PCDHA3: variants seen among roughly 807,000 people sequenced by gnomAD.
PCDHA3 encodes the protein protocadherin alpha-3.
A neutral mutation model predicts 62.2 loss-of-function variants in PCDHA3; 41 were observed. That is an observed-to-expected ratio of 0.66 (90% confidence interval 0.51 to 0.86). The LOEUF is 0.86. Among genes scored for constraint, PCDHA3 ranks in the 40% least tolerant of loss-of-function variants. PCDHA3 has a pLI of 0.00. For synonymous variants in PCDHA3, 640 were observed against 555.4 expected, an observed-to-expected ratio of 1.15 and a Z score of -2.14; for missense variants, 1,304 against 1,241.2, an observed-to-expected ratio of 1.05 and a Z score of -0.76.
At chr5:140,856,609 A>G in intron 1 of PCDHA3, 1 of 1,598,102 alleles carries the variant, frequency 6.3e-7, no homozygotes, top group Non-Finnish European at 8.6e-7. Context: ...AAAAAGACAA[A>G]GACAAATTCC....
chr5:140,954,537 T>C (rs2095052425), intron 1 of PCDHA3, among the ~76,000 whole-genome samples: 1 of 152,268 alleles, frequency 6.6e-6, no homozygotes, highest in Non-Finnish European at 1.5e-5. Flanking sequence ...TTGAGGTTTT[T>C]TTCATATGTT....
chr5:140,827,741 T>G (rs949123681), intron 1 of PCDHA3, among the ~76,000 whole-genome samples: 4 of 152,220 alleles, frequency 2.6e-5, no homozygotes, highest in African/African-American at 9.6e-5. Context: ...TGTGAATAAT[T>G]AGATCCCTTA....
chr5:140,829,430 G>T, intron 1 of PCDHA3: 1 of 1,614,092 alleles, frequency 6.2e-7, no homozygotes, highest in Non-Finnish European at 8.5e-7. Flanking sequence ...GGAGGTGGCC[G>T]ACATGAATGA....
At position 140,850,061 on chromosome 5, in the gene PCDHA3, G is replaced by T. The variant is rs2150465496; in HGVS notation, c.2394+46470G>T. 7 of 1,596,546 alleles carry T rather than the reference G, an allele frequency of 4.4e-6. No individual in the cohort carries two copies. In the South Asian group the frequency reaches 6.6e-5, roughly 15 times the overall value. ...GCGGCAAGGTGTACGCGCTGCAGCCGTTGGACCACGAGGAGCTGGAGCTGC... is the reference window on the plus strand; with the variant it reads ...GCGGCAAGGTGTACGCGCTGCAGCCTTTGGACCACGAGGAGCTGGAGCTGC... On this transcript the variant is annotated intron_variant, in intron 1 of 3. Transcript: ENST00000522353.
At position 140,968,456 on chromosome 5, in the gene PCDHA3, A is replaced by G. The variant is rs782476018; in HGVS notation, c.2395-10493A>G. ...GAGCCCACCACTGAGCAGCACTGTG[A>G]CTGCCAACGTATATGTGGTGGACAT... On this transcript the variant is annotated intron_variant, in intron 1 of 3. Transcript: ENST00000522353. 82 of 1,613,964 alleles carry G rather than the reference A, an allele frequency of 5.1e-5. No individual in the cohort carries two copies. Among genetic ancestry groups the G allele is most frequent in the Non-Finnish European group, 6.2e-5 (73 of 1,180,022 alleles).
chr5:140,899,548 T>C (rs1452628026), intron 1 of PCDHA3, among the ~76,000 whole-genome samples: 5 of 152,214 alleles, frequency 3.3e-5, no homozygotes, highest in African/African-American at 1.2e-4. Flanking sequence ...TCATGGTGGA[T>C]AAGCTTTTTG....
chr5:140,900,226 G>A (rs1048533279), intron 1 of PCDHA3, among the ~76,000 whole-genome samples: 18 of 152,090 alleles, frequency 1.2e-4, no homozygotes, highest in Admixed American at 1.1e-3. Flanking sequence ...GCAAATGACT[G>A]GATCTTGTTT....
Position 140,823,874 on chromosome 5 carries a change from T to C in PCDHA3, c.2394+20283T>C, listed in dbSNP as rs2150129906. 6.8e-6 allele frequency: 11 copies of C among 1,613,890 alleles called. No individual in the cohort carries two copies. In the Admixed American group the frequency reaches 1.8e-4, roughly 27 times the overall value. Reference sequence around the variant, plus strand: ...CTGGTGGATGTCAACGTGTACCTGATCATCGCCATCTGTGCGGTGTCCAGC... The same window carrying C: ...CTGGTGGATGTCAACGTGTACCTGACCATCGCCATCTGTGCGGTGTCCAGC... On this transcript the variant is annotated intron_variant, in intron 1 of 3. Coordinates refer to ENST00000522353, the MANE Select transcript of PCDHA3 (RefSeq NM_018906.3).
rs374310903 is a variant in PCDHA3 at position 140,968,575 on chromosome 5, G to A, written c.2395-10374G>A. 16 of 1,614,016 alleles carry A rather than the reference G, an allele frequency of 9.9e-6. No homozygotes were observed. In the African/African-American group the frequency reaches 2.1e-4, roughly 22 times the overall value. ...CTCGAACTGCCCCTGCTGGCTACCT[G>A]GTCACCAAAGTCATAGCTATGGACT... On this transcript the variant is annotated intron_variant, in intron 1 of 3. Transcript: ENST00000522353.
chr5:140,876,349 T>G lies in PCDHA3; in HGVS notation c.2394+72758T>G, dbSNP rs781967314. On this transcript the variant is annotated intron_variant, in intron 1 of 3. Transcript: ENST00000522353. ...TTTGCCAGTGAGTGAGAAATGTATG[T>G]TTTCAATAAATCCAGACACAGGTGA... The G allele has an allele frequency of 3.2e-5, 52 of 1,613,894 alleles. No homozygotes were observed. In the South Asian group the frequency reaches 5.1e-4, roughly 16 times the overall value.
At chr5:140,829,876 C>G in intron 1 of PCDHA3, 2 of 1,613,910 alleles carry the variant, frequency 1.2e-6, no homozygotes, top group Non-Finnish European at 8.5e-7. Flanking sequence ...CGAAGGTGCG[C>G]GCAGTTGACG....
chr5:140,802,739 C>A lies in PCDHA3; in HGVS notation c.1542C>A (p.Ser514Arg). ...LSSYVSVHAESGKVYALQPLD... is the reference protein window; with the variant it reads ...LSSYVSVHAERGKVYALQPLD... ...GCTACGTGTCGGTACACGCGGAGAG[C>A]GGCAAGGTGTACGCGCTGCAGCCGC... The change falls in exon 1 of 4, where the codon AGC (serine) becomes AGA (arginine). Residue 514 changes from serine to arginine, a missense_variant. Coordinates refer to ENST00000522353, the MANE Select transcript of PCDHA3 (RefSeq NM_018906.3). The A allele has an allele frequency of 1.2e-6, 2 of 1,612,492 alleles. No homozygotes were observed. The highest frequency in any genetic ancestry group is 2.0e-4 in the Middle Eastern group (1 of 5,114).
intron 1 of PCDHA3, among the ~76,000 whole-genome samples, chr5:140,957,050 A>T (rs246010): frequency 0.56 from 85,650 of 151,948 alleles, 24,767 homozygotes; most frequent in African/African-American, 0.69. Context: ...TATAAAATAA[A>T]TTATAAATGT....
Position 140,829,683 on chromosome 5 carries a change from T to C in PCDHA3, c.2394+26092T>C, listed in dbSNP as rs1554132167. Reference sequence around the variant, plus strand: ...CTGGACCACGAGGAGCTAGAGCTGCTGCAGTTTCAGGTGAGCGCGCGCGAC... The same window carrying C: ...CTGGACCACGAGGAGCTAGAGCTGCCGCAGTTTCAGGTGAGCGCGCGCGAC... On this transcript the variant is annotated intron_variant, in intron 1 of 3. Transcript: ENST00000522353. 6 of 1,613,236 alleles carry C rather than the reference T, an allele frequency of 3.7e-6. No individual in the cohort carries two copies. The East Asian group carries it at 1.3e-4, about 36-fold the overall frequency.
chr5:140,863,469 G>A (rs2153224585), intron 1 of PCDHA3: 1 of 498,172 alleles, frequency 2.0e-6, no homozygotes, highest in Non-Finnish European at 4.0e-6. Context: ...TTACTCTGGA[G>A]AGTCGCCTCC....
At chr5:140,868,281 T>G (rs2050378347) in intron 1 of PCDHA3, 1 of 152,066 alleles carries the variant, frequency 6.6e-6, no homozygotes, top group Non-Finnish European at 1.5e-5. Flanking sequence ...AACTACCAAG[T>G]TTGAGAATAT....
chr5:140,835,333 A>C (rs1355221277), intron 1 of PCDHA3: 6 of 1,613,618 alleles, frequency 3.7e-6, no homozygotes, highest in Non-Finnish European at 5.1e-6. Context: ...AGAGCACACA[A>C]GATCCCAGTC....
intron 1 of PCDHA3, among the ~76,000 whole-genome samples, chr5:140,937,259 G>A (rs1306999153): frequency 1.3e-5 from 2 of 151,850 alleles, no homozygotes; most frequent in East Asian, 3.9e-4. Context: ...GGATGGTCTC[G>A]ATCTCCTGAC....
Position 140,842,613 on chromosome 5 carries a change from G to T in PCDHA3, c.2394+39022G>T, listed in dbSNP as rs782736515. On this transcript the variant is annotated intron_variant, in intron 1 of 3. Transcript: ENST00000522353. ...TTGGTGGTAACCGCGCGGGACGGGG[G>T]CTCGCCTTCGCTGTGGGCCACCGCC... 3.1e-6 allele frequency: 5 copies of T among 1,595,814 alleles called. 1 individual carries two copies. The highest frequency in any genetic ancestry group is 4.3e-6 in the Non-Finnish European group (5 of 1,165,648).
Sources: allele counts gnomAD v4.1 joint callset (sites outside exome capture counted in the v4.1 genomes callset), GRCh38; gene constraint gnomAD v4.1.1; transcripts MANE v1.5; gene names NCBI Gene and HGNC (gene_info 2026-07-23, HGNC 2026-07-21).